Variants in DYRK1A observed in about 807,000 individuals in gnomAD.
DYRK1A encodes dual specificity tyrosine phosphorylation regulated kinase 1A, also known as dual specificity tyrosine-phosphorylation-regulated kinase 1A.
Under a neutral mutation model 79.7 loss-of-function variants are expected in DYRK1A, and 9 were observed. That is an observed-to-expected ratio of 0.11 (90% CI 0.07 to 0.20). The LOEUF (loss-of-function observed/expected upper bound fraction) is 0.20, where lower values mean the gene tolerates loss of function less well. DYRK1A is among the 10% of genes least tolerant of loss of function. The probability of loss-of-function intolerance (pLI) is 1.00; values close to 1 mark genes in which losing one functional copy is unlikely to be tolerated. For synonymous variants in DYRK1A, 349 were observed against 329.7 expected (o/e 1.06, Z -0.63); for missense variants, 622 against 956.0 (o/e 0.65, Z 4.61).
At chr21:37,392,863 C>CT (rs1221967233) in intron 1 of DYRK1A, among the ~76,000 whole-genome samples, 1 of 152,222 alleles carries the variant, frequency 6.6e-6, no homozygotes, top group African/African-American at 2.4e-5. Flanking sequence ...AGGATCCAGT[C>CT]TTTCTGCTTC....
chr21:37,408,405 C>T (rs1276256382), intron 1 of DYRK1A, among the ~76,000 whole-genome samples: 2 of 152,164 alleles, frequency 1.3e-5, no homozygotes, highest in African/African-American at 2.4e-5. Flanking sequence ...TTGGCTTCAG[C>T]AGTACTCAGT....
chr21:37,420,356 T>C lies in DYRK1A; in HGVS notation c.-19T>C. On this transcript the variant is annotated 5_prime_UTR_variant, in exon 2 of 12. It removes an upstream start codon present in the reference 5' UTR. Coordinates refer to ENST00000647188, the MANE Select transcript of DYRK1A (RefSeq NM_001347721.2). ...CTTCCCCCACCCCATCAGGATGATA[T>C]GAGACTTGAAAGAAGACGATGCATA... is the stretch of plus-strand genomic sequence containing the variant. 2 of 1,611,364 alleles carry C rather than the reference T, an allele frequency of 1.2e-6. No individual in the cohort carries two copies. The highest frequency in any genetic ancestry group is 1.7e-6 in the Non-Finnish European group (2 of 1,178,196).
intron 2 of DYRK1A, chr21:37,428,953 A>G (rs2050701421): frequency 2.0e-5 from 3 of 151,812 alleles, no homozygotes; most frequent in African/African-American, 7.3e-5. Context: ...TTCTTTAAGC[A>G]CTCTTTCTCC....
At chr21:37,502,119 A>T (rs1006622851) in intron 9 of DYRK1A, 1 of 152,024 alleles carries the variant, frequency 6.6e-6, no homozygotes, top group African/African-American at 2.4e-5. Flanking sequence ...AAAATATGCA[A>T]CATGTGTAGA....
rs1336115331 is a variant in DYRK1A, at chr21:37,505,390, C to T, written c.1320C>T (p.Tyr440=). 3 of 1,614,088 alleles carry T rather than the reference C, an allele frequency of 1.9e-6. No homozygotes were observed. The highest frequency in any genetic ancestry group is 1.7e-6 in the Non-Finnish European group (2 of 1,180,046). ...AGESGHTVAD[Y]LKFKDLILRM... is the part of the protein sequence containing the mutation. The stretch of plus-strand genomic sequence containing the variant: ...AGTCAGGTCATACGGTCGCTGACTA[C>T]TTGAAGTTCAAAGACCTCATTTTAA... Residue 440 remains tyrosine (Y), a synonymous_variant, in exon 10 of 12, where the codon TAC becomes TAT. Coordinates refer to ENST00000647188, the MANE Select transcript of DYRK1A (RefSeq NM_001347721.2).
chr21:37,511,295 T>TTTAAATAG (rs2053741639), intron 11 of DYRK1A, among the ~76,000 whole-genome samples: 1 of 152,132 alleles, frequency 6.6e-6, no homozygotes, highest in Admixed American at 6.5e-5. Flanking sequence ...GGGAAGTGAT[T>TTTAAATAG]GGATTTGTGT....
chr21:37,382,741 C>A (rs1036575238), intron 1 of DYRK1A, among the ~76,000 whole-genome samples: 2 of 152,182 alleles, frequency 1.3e-5, no homozygotes, highest in African/African-American at 4.8e-5. Context: ...GAATGAATAA[C>A]TATTTATTAT....
intron 8 of DYRK1A, among the ~76,000 whole-genome samples, chr21:37,494,979 A>G (rs1049975763): frequency 6.6e-6 from 1 of 151,246 alleles, no homozygotes; most frequent in Non-Finnish European, 1.5e-5. Flanking sequence ...TTGTGTGTAT[A>G]TGTATTTGCT....
chr21:37,512,400 C>T lies in DYRK1A; in HGVS notation c.2134C>T (p.Gln712Ter), dbSNP rs1555995428. Reference sequence around the variant, plus strand: ...TGGCATAGCTGGACATCCAACATACCAATTTTCTGCTAATACAGGTCCTGC... The same window carrying T: ...TGGCATAGCTGGACATCCAACATACTAATTTTCTGCTAATACAGGTCCTGC... ...ETGIAGHPTY[Q>*]FSANTGPAHY... is the part of the protein sequence containing the mutation. The change falls in exon 12 of 12, where the codon CAA becomes TAA. Residue 712 changes from glutamine to a stop codon, truncating the protein, a stop_gained. Coordinates refer to ENST00000647188, the MANE Select transcript of DYRK1A (RefSeq NM_001347721.2). LOFTEE classifies it high-confidence loss of function. 1 of 1,614,200 alleles carries T rather than the reference C, an allele frequency of 6.2e-7. No homozygotes were observed. Among genetic ancestry groups the T allele is most frequent in the Non-Finnish European group, 8.5e-7 (1 of 1,180,042 alleles).
intron 2 of DYRK1A, among the ~76,000 whole-genome samples, chr21:37,456,874 C>T (rs537989941): frequency 8.8e-4 from 134 of 152,178 alleles, no homozygotes; most frequent in African/African-American, 2.4e-3. Flanking sequence ...TGAATGTTGT[C>T]ACTACTTTTT....
chr21:37,369,526 C>A (rs1223694759), intron 1 of DYRK1A, among the ~76,000 whole-genome samples: 1 of 152,162 alleles, frequency 6.6e-6, no homozygotes, highest in Non-Finnish European at 1.5e-5. Context: ...CAAACCATGC[C>A]AGAAAGTTAA....
At chr21:37,468,908 G>A (rs2052125763) in intron 2 of DYRK1A, among the ~76,000 whole-genome samples, 1 of 152,174 alleles carries the variant, frequency 6.6e-6, no homozygotes, top group Non-Finnish European at 1.5e-5. Flanking sequence ...CAAGCTGCCT[G>A]TAACCAATAG....
chr21:37,451,384 C>A (rs1256185677), intron 2 of DYRK1A, among the ~76,000 whole-genome samples: 1 of 117,756 alleles, frequency 8.5e-6, no homozygotes, highest in African/African-American at 2.8e-5. Context: ...ATCCCTCCCC[C>A]ACCCATTGCA....
At chr21:37,369,287 G>A (rs1275042993) in intron 1 of DYRK1A, among the ~76,000 whole-genome samples, 1 of 152,224 alleles carries the variant, frequency 6.6e-6, no homozygotes, top group East Asian at 1.9e-4. Context: ...GTTACTTTAG[G>A]ATAATATTGT....
intron 1 of DYRK1A, among the ~76,000 whole-genome samples, chr21:37,368,911 C>T (rs1419535208): frequency 6.6e-6 from 1 of 151,996 alleles, no homozygotes; most frequent in African/African-American, 2.4e-5. Flanking sequence ...TGTGGCTTGC[C>T]GAGGCCAAAA....
At chr21:37,370,418 G>C (rs1177647951) in intron 1 of DYRK1A, among the ~76,000 whole-genome samples, 1 of 152,038 alleles carries the variant, frequency 6.6e-6, no homozygotes, top group East Asian at 1.9e-4. Flanking sequence ...TATTATAGGC[G>C]AGAAGGGAAT....
At chr21:37,472,306 A>G (rs944861515) in intron 2 of DYRK1A, among the ~76,000 whole-genome samples, 1 of 152,156 alleles carries the variant, frequency 6.6e-6, no homozygotes, top group Non-Finnish European at 1.5e-5. Flanking sequence ...TGTTCCTTTG[A>G]GTTGGTTTGT....
intron 1 of DYRK1A, among the ~76,000 whole-genome samples, chr21:37,405,753 C>T (rs183997623): frequency 3.9e-5 from 6 of 152,170 alleles, no homozygotes; most frequent in Admixed American, 3.3e-4. Flanking sequence ...ATGGTGTGTG[C>T]GTAGTCATAC....
intron 3 of DYRK1A, among the ~76,000 whole-genome samples, chr21:37,477,925 C>T (rs1427444367): frequency 1.3e-5 from 2 of 152,260 alleles, no homozygotes; most frequent in East Asian, 1.9e-4. Flanking sequence ...CCTAGATTGG[C>T]GTATGTCTGC....
Sources: gnomAD v4.1 joint callset for allele counts (sites outside exome capture counted in the v4.1 genomes callset) on GRCh38, gnomAD v4.1.1 for gene constraint, MANE v1.5 for transcripts, NCBI Gene and HGNC (gene_info 2026-07-23, HGNC 2026-07-21) for gene names.